LONRF2: variants seen among roughly 807,000 people sequenced by gnomAD.
LONRF2 encodes the protein LON peptidase N-terminal domain and ring finger 2.
Under a neutral mutation model 66.6 loss-of-function variants are expected in LONRF2, and 35 were observed. The ratio of observed to expected loss-of-function variants is 0.53; its 90% CI spans 0.40 to 0.70. LONRF2 has a LOEUF of 0.70. LONRF2 is among the 30% of genes least tolerant of loss of function. The pLI is 0.00. For synonymous variants in LONRF2, 417 were observed against 418.1 expected, an observed-to-expected ratio of 1.00 and a Z score of 0.03; for missense variants, 902 against 1,002.1, an observed-to-expected ratio of 0.90 and a Z score of 1.35.
At chr2:100,308,360 G>A (rs71413877) in intron 2 of LONRF2, among the ~76,000 whole-genome samples, 3,966 of 152,224 alleles carry the variant, frequency 0.026, 66 homozygotes, top group Non-Finnish European at 0.038. Flanking sequence ...GGGAAAAAGG[G>A]CAGGCTTCCC....
chr2:100,277,359 A>C lies in LONRF2; in HGVS notation c.*6939T>G, dbSNP rs1270789056. On this transcript the variant is annotated 3_prime_UTR_variant, in exon 12 of 12. Transcript: ENST00000393437. ...GGCTCTCCTGGACACAGAGGCTCTC[A>C]AAGACCTAAGCCTAGGACCCCAATC... The C allele has an allele frequency of 1.3e-5, 2 of 152,348 alleles. No homozygotes were observed. The highest frequency in any genetic ancestry group is 4.8e-5 in the African/African-American group (2 of 41,556). 9.4% of individuals were successfully genotyped at this position (152,348 alleles called of 1,614,324 possible). A position where few individuals can be genotyped will look rare whatever the true frequency, so the allele number is the denominator to read the frequency against.
In LONRF2 at chr2:100,275,434, T is replaced by C. The variant is rs1293337802; in HGVS notation, c.*8864A>G. On this transcript the variant is annotated 3_prime_UTR_variant, in exon 12 of 12. Coordinates refer to ENST00000393437, the MANE Select transcript of LONRF2 (RefSeq NM_198461.4). ...TGAGGGGCCCTCCCCCAGCATCCAGTGAGGAATTAATCGCACTCCTGGGCA... is the reference window on the plus strand; with the variant it reads ...TGAGGGGCCCTCCCCCAGCATCCAGCGAGGAATTAATCGCACTCCTGGGCA... 6.6e-6 allele frequency: 1 copy of C among 152,204 alleles called. No homozygotes were observed. The highest frequency in any genetic ancestry group is 1.5e-5 in the Non-Finnish European group (1 of 68,052). The allele number at this position is 152,204 out of a possible 1,614,324, so 9.4% of individuals were successfully genotyped here.
intron 1 of LONRF2, among the ~76,000 whole-genome samples, chr2:100,319,197 T>A (rs947880743): frequency 5.9e-5 from 9 of 152,236 alleles, no homozygotes; most frequent in East Asian, 1.9e-4. Flanking sequence ...ACTTTTTTTT[T>A]AACTATATCA....
At chr2:100,301,107 G>A (rs1292874613) in intron 3 of LONRF2, among the ~76,000 whole-genome samples, 1 of 152,200 alleles carries the variant, frequency 6.6e-6, no homozygotes, top group Admixed American at 6.5e-5. Context: ...GAAAGGGAGT[G>A]TAAAGGTTGC....
intron 1 of LONRF2, 38 bp downstream of exon 1, chr2:100,321,377 G>T: frequency 4.3e-6 from 6 of 1,391,288 alleles, no homozygotes; most frequent in Non-Finnish European, 5.5e-6. Context: ...GGGCCGGACA[G>T]GTGTAGGGGA....
Position 100,294,342 on chromosome 2 carries a change from G to A in LONRF2, c.1644C>T (p.Pro548=). 6.2e-7 allele frequency: 1 copy of A among 1,605,130 alleles called. No individual in the cohort carries two copies. The highest frequency in any genetic ancestry group is 1.1e-5 in the South Asian group (1 of 89,468). Residue 548 remains proline (P), a synonymous_variant, in exon 9 of 12, where the codon CCC becomes CCT. Coordinates refer to ENST00000393437, the MANE Select transcript of LONRF2 (RefSeq NM_198461.4). ...VPIFVCAMAF[P]TVPCPLHVFE... ...AAACGTGGAGTGGACATGGGACCGTGGGGAAGGCCATGGCACACACAAAGA... is the reference window on the plus strand; with the variant it reads ...AAACGTGGAGTGGACATGGGACCGTAGGGAAGGCCATGGCACACACAAAGA...
chr2:100,272,482 C>G lies in LONRF2; in HGVS notation c.*11816G>C, dbSNP rs960441392. 6.6e-6 allele frequency among the ~76,000 whole-genome samples: 1 copy of G among 151,568 alleles called. No homozygotes were observed. The highest frequency in any genetic ancestry group is 6.6e-5 in the Admixed American group (1 of 15,216). On this transcript the variant is annotated 3_prime_UTR_variant, in exon 12 of 12. Coordinates refer to ENST00000393437, the MANE Select transcript of LONRF2 (RefSeq NM_198461.4). ...CCACTGCCCTCCAGCCTGGATGACA[C>G]AGCAAGACCATGTCCCCCAAGAAGA...
chr2:100,284,160 C>T lies in LONRF2; in HGVS notation c.*138G>A. 1 of 735,158 alleles carries T rather than the reference C, an allele frequency of 1.4e-6. No individual in the cohort carries two copies. Among genetic ancestry groups the T allele is most frequent in the East Asian group, 3.0e-5 (1 of 33,646 alleles). The allele number at this position is 735,158 out of a possible 1,614,324, so 45.5% of individuals were successfully genotyped here. ...ACAGAATTGTCATTTTTGAGGAGGA[C>T]TCAATGTTTGGCAAGCGTCCCATTT... On this transcript the variant is annotated 3_prime_UTR_variant, in exon 12 of 12. Transcript: ENST00000393437.
chr2:100,302,863 T>C, intron 3 of LONRF2, 58 bp downstream of exon 3: 1 of 1,443,984 alleles, frequency 6.9e-7, no homozygotes, highest in South Asian at 1.6e-5. Context: ...TTACTCAGCA[T>C]GGACATGAAG....
intron 2 of LONRF2, among the ~76,000 whole-genome samples, chr2:100,308,760 G>C (rs1675346802): frequency 6.6e-6 from 1 of 152,142 alleles, no homozygotes; most frequent in African/African-American, 2.4e-5. Context: ...TGATCATTAT[G>C]TGATCTTCCT....
rs767400977 is a variant in LONRF2, at chr2:100,280,073, A to G, written c.*4225T>C. 6.6e-6 allele frequency: 1 copy of G among 152,236 alleles called. No homozygotes were observed. Among genetic ancestry groups the G allele is most frequent in the Non-Finnish European group, 1.5e-5 (1 of 68,062 alleles). The allele number at this position is 152,236 out of a possible 1,614,324, so 9.4% of individuals were successfully genotyped here. A position where few individuals can be genotyped will look rare whatever the true frequency, so the allele number is the denominator to read the frequency against. On this transcript the variant is annotated 3_prime_UTR_variant, in exon 12 of 12. Transcript: ENST00000393437. ...GTGCAAATTCGAGTTTATGTCCCCA[A>G]CTTGGGGGAGTGCAATGGTGGCACT...
intron 3 of LONRF2, among the ~76,000 whole-genome samples, chr2:100,302,268 G>A (rs912323163): frequency 3.3e-5 from 5 of 152,214 alleles, no homozygotes; most frequent in African/African-American, 4.8e-5. Flanking sequence ...ATCTAACGTG[G>A]TTTGAATTGT....
At chr2:100,290,021 C>A (rs114640197) in intron 10 of LONRF2, among the ~76,000 whole-genome samples, 4,732 of 152,160 alleles carry the variant, frequency 0.031, 243 homozygotes, top group African/African-American at 0.11. Flanking sequence ...GCAGGAGGAT[C>A]GTTTGAGCCT....
chr2:100,310,501 C>T (rs1177447394), intron 1 of LONRF2, among the ~76,000 whole-genome samples: 2 of 152,156 alleles, frequency 1.3e-5, no homozygotes, highest in African/African-American at 4.8e-5. Flanking sequence ...ATGTAGGTAA[C>T]TGAGCAAGCA....
At position 100,307,290 on chromosome 2, in the gene LONRF2, C is replaced by T. The variant is rs560547485; in HGVS notation, c.798+1817G>A. Among the ~76,000 whole-genome samples, 13 of 152,260 alleles carry T rather than the reference C, an allele frequency of 8.5e-5. No individual in the cohort carries two copies. The East Asian group carries it at 1.7e-3, about 20-fold the overall frequency. ...TGGGCATCTGTCAAGAATTGAGGTC[C>T]ACAGATTTGCAGTAAACCCTGCAGA... On this transcript the variant is annotated intron_variant, in intron 2 of 11. Transcript: ENST00000393437.
chr2:100,313,569 A>C (rs1573126232), intron 1 of LONRF2, among the ~76,000 whole-genome samples: 1 of 152,202 alleles, frequency 6.6e-6, no homozygotes, highest in Admixed American at 6.5e-5. Flanking sequence ...AAAAGAAAGA[A>C]TAAGTGGCAA....
rs775716764 is a variant in LONRF2 at position 100,299,905 on chromosome 2, T to G, written c.1079A>C (p.Lys360Thr). 8.1e-6 allele frequency: 13 copies of G among 1,606,998 alleles called. No individual in the cohort carries two copies. The Admixed American group carries it at 2.2e-4, about 27-fold the overall frequency. Residue 360 changes from lysine to threonine, a missense_variant, in exon 5 of 12, where the codon AAA becomes ACA. Transcript: ENST00000393437. ...DAGSSENSSE[K>T]SDMLGNTNSS... The stretch of plus-strand genomic sequence containing the variant: ...ATTGGTATTTCCAAGCATATCAGAT[T>G]TCTCAGATGAATTCTGGTTAAGTGG...
chr2:100,316,026 T>C (rs10174145), intron 1 of LONRF2, among the ~76,000 whole-genome samples: 76,543 of 151,820 alleles, frequency 0.5, 19,659 homozygotes, highest in East Asian at 0.76. Flanking sequence ...TCAGGCAAAA[T>C]AGAAAATTTT....
chr2:100,296,052 G>T (rs1219994325), intron 7 of LONRF2, among the ~76,000 whole-genome samples: 1 of 152,110 alleles, frequency 6.6e-6, no homozygotes, highest in Non-Finnish European at 1.5e-5. Context: ...AAAAGGCAAA[G>T]GTTGACTTTT....
Sources: gnomAD v4.1 joint callset for allele counts (sites outside exome capture counted in the v4.1 genomes callset) on GRCh38, gnomAD v4.1.1 for gene constraint, MANE v1.5 for transcripts, NCBI Gene and HGNC (gene_info 2026-07-23, HGNC 2026-07-21) for gene names.